SNX25: variants seen among roughly 807,000 people sequenced by gnomAD.
SNX25 encodes sorting nexin 25.
SNX25 carries 62 observed loss-of-function variants against 113.7 expected under a neutral mutation model. The ratio of observed to expected loss-of-function variants is 0.55; its 90% CI spans 0.44 to 0.67. SNX25 has a LOEUF of 0.67. Among genes scored for constraint, SNX25 ranks in the 30% least tolerant of loss-of-function variants. SNX25 has a pLI of 0.00. For missense variants in SNX25, 1,014 were observed against 1,161.0 expected (o/e 0.87, Z 1.84); for synonymous variants, 421 against 436.2 (o/e 0.97, Z 0.43).
At chr4:185,208,081 T>G (rs1184165029), upstream of SNX25, among the ~76,000 whole-genome samples, 1 of 152,188 alleles carries the variant, frequency 6.6e-6, no homozygotes, top group East Asian at 1.9e-4. Flanking sequence ...GCAAAAGGGC[T>G]TCTTCAAAAT....
At chr4:185,205,791 T>C (rs1159770146), upstream of SNX25, among the ~76,000 whole-genome samples, 1 of 152,196 alleles carries the variant, frequency 6.6e-6, no homozygotes, top group East Asian at 1.9e-4. Flanking sequence ...ATCACGCCAT[T>C]GTACTCCAGC....
intron 8 of SNX25, among the ~76,000 whole-genome samples, chr4:185,322,438 T>TG (rs2095127760): frequency 6.6e-6 from 1 of 151,836 alleles, no homozygotes; most frequent in African/African-American, 2.4e-5. Context: ...TTGGGGAAGG[T>TG]GGGGGGGAAG....
At position 185,357,699 on chromosome 4, in the gene SNX25, T is replaced by G. The variant is rs1189587857; in HGVS notation, c.2613T>G (p.Ile871Met). The change falls in exon 16 of 19, where the codon ATT (isoleucine) becomes ATG (methionine). Residue 871 changes from isoleucine (I) to methionine (M), a missense_variant. Transcript: ENST00000652585. ...TTAAATGGGTGAGAAGAACATTAAT[T>G]GCCCTCGTTCAGGTCACTTTTGGAA... Reference protein sequence around the residue: ...GMFKWVRRTLIALVQVTFGRT... With the variant: ...GMFKWVRRTLMALVQVTFGRT... The G allele has an allele frequency of 6.2e-7, 1 of 1,614,154 alleles. No homozygotes were observed. The highest frequency in any genetic ancestry group is 1.7e-5 in the Admixed American group (1 of 60,024).
chr4:185,362,226 T>C, intron 17 of SNX25, 121 bp downstream of exon 17: 1 of 1,406,240 alleles, frequency 7.1e-7, no homozygotes, highest in East Asian at 2.5e-5. Context: ...AAAAGGATCA[T>C]ACTCTTTTAA....
At chr4:185,310,386 G>GT (rs1755074770) in intron 6 of SNX25, among the ~76,000 whole-genome samples, 1 of 151,962 alleles carries the variant, frequency 6.6e-6, no homozygotes, top group South Asian at 2.1e-4. Context: ...TTGTACAGAG[G>GT]TTTTTTTAAA....
At chr4:185,268,530 A>C (rs1312711260) in intron 5 of SNX25, among the ~76,000 whole-genome samples, 2 of 152,128 alleles carry the variant, frequency 1.3e-5, no homozygotes, top group Admixed American at 1.3e-4. Context: ...ATGATAATAT[A>C]GGGGAAAGAA....
Position 185,210,018 on chromosome 4 carries a change from C to A in SNX25, c.192C>A (p.Ala64=), listed in dbSNP as rs1737480989. Residue 64 remains alanine, a synonymous_variant, in exon 1 of 19, where the codon GCC becomes GCA. Coordinates refer to ENST00000652585, the MANE Select transcript of SNX25 (RefSeq NM_001378034.2). The surrounding 1 kb of genome is among the most constrained non-coding windows in gnomAD (Gnocchi z 4.4). ...GRSWWKPVAV[A]ALAAVALSFL... The stretch of plus-strand genomic sequence containing the variant: ...GCTGGTGGAAGCCCGTGGCGGTGGC[C>A]GCACTCGCCGCCGTGGCCCTCTCCT... 1.0e-6 allele frequency: 1 copy of A among 983,892 alleles called. No homozygotes were observed. The highest frequency in any genetic ancestry group is 1.2e-6 in the Non-Finnish European group (1 of 829,312). The allele number at this position is 983,892 out of a possible 1,614,324, so 60.9% of individuals were successfully genotyped here. A position where few individuals can be genotyped will look rare whatever the true frequency, so the allele number is the denominator to read the frequency against.
chr4:185,265,664 T>C (rs1272018052), intron 4 of SNX25, among the ~76,000 whole-genome samples: 2 of 152,232 alleles, frequency 1.3e-5, no homozygotes, highest in African/African-American at 4.8e-5. Context: ...TAGCTTACTA[T>C]AACTTTTTTT....
intron 1 of SNX25, among the ~76,000 whole-genome samples, chr4:185,215,462 A>G (rs1023933046): frequency 1.3e-5 from 2 of 152,234 alleles, no homozygotes; most frequent in Non-Finnish European, 2.9e-5. Context: ...GGATTCCTAA[A>G]TGAATTCTTT....
At chr4:185,366,549 T>G (rs1372613558), downstream of SNX25, 2 of 152,232 alleles carry the variant, frequency 1.3e-5, no homozygotes, top group Non-Finnish European at 2.9e-5. Context: ...TATGAGCTTT[T>G]TAAGAATAAA....
At chr4:185,286,117 G>T (rs1429569145) in intron 5 of SNX25, among the ~76,000 whole-genome samples, 1 of 150,722 alleles carries the variant, frequency 6.6e-6, no homozygotes, top group East Asian at 2.0e-4. Flanking sequence ...GTTTTGTTTT[G>T]TTATGTGTTT....
At chr4:185,371,712 G>T (rs968570203), downstream of SNX25, among the ~76,000 whole-genome samples, 4 of 152,172 alleles carry the variant, frequency 2.6e-5, no homozygotes, top group African/African-American at 9.7e-5. Flanking sequence ...TTTAAAGAAT[G>T]ATTTAAAGTC....
rs573395729 is a variant in SNX25 at position 185,257,032 on chromosome 4, G to A, written c.515-1816G>A. 2.7e-4 allele frequency among the ~76,000 whole-genome samples: 41 copies of A among 152,220 alleles called. 1 individual carries two copies. In the South Asian group the frequency reaches 7.0e-3, roughly 26 times the overall value. On this transcript the variant is annotated intron_variant, in intron 2 of 18. Coordinates refer to ENST00000652585, the MANE Select transcript of SNX25 (RefSeq NM_001378034.2). ...TTTGACACGTATAGGTTAGTTGTTC[G>A]TAGGGAATTGTGAAGTAGATCTGGT... is the stretch of plus-strand genomic sequence containing the variant.
At chr4:185,293,797 T>C (rs1456779707) in intron 6 of SNX25, among the ~76,000 whole-genome samples, 4 of 152,110 alleles carry the variant, frequency 2.6e-5, no homozygotes, top group Admixed American at 2.0e-4. Flanking sequence ...TTTGTAGTAA[T>C]GAAAACATTT....
At position 185,357,684 on chromosome 4, in the gene SNX25, G is replaced by A; in HGVS notation, c.2598G>A (p.Val866=). Residue 866 remains valine (V), a synonymous_variant, in exon 16 of 19, where the codon GTG becomes GTA. Transcript: ENST00000652585. ...IFELRGMFKW[V]RRTLIALVQV... ...TTTCTGTTTCAGTGTTTAAATGGGT[G>A]AGAAGAACATTAATTGCCCTCGTTC... 6.2e-7 allele frequency: 1 copy of A among 1,614,080 alleles called. No homozygotes were observed. Among genetic ancestry groups the A allele is most frequent in the Non-Finnish European group, 8.5e-7 (1 of 1,179,990 alleles).
chr4:185,368,480 C>T (rs922622295), downstream of SNX25, among the ~76,000 whole-genome samples: 3 of 152,218 alleles, frequency 2.0e-5, no homozygotes, highest in African/African-American at 7.2e-5. Context: ...CCTCCCAACC[C>T]GTTCCCTTCC....
chr4:185,241,300 A>G (rs1425313441), intron 1 of SNX25, among the ~76,000 whole-genome samples: 1 of 151,732 alleles, frequency 6.6e-6, no homozygotes, highest in Non-Finnish European at 1.5e-5. Flanking sequence ...ACACAGCGAA[A>G]CCCCGTCTCC....
At chr4:185,228,873 A>G (rs1055564669) in intron 1 of SNX25, among the ~76,000 whole-genome samples, 4 of 152,174 alleles carry the variant, frequency 2.6e-5, no homozygotes, top group African/African-American at 9.7e-5. Flanking sequence ...TGTTATCCCC[A>G]TTGTATGGAT....
intron 10 of SNX25, among the ~76,000 whole-genome samples, chr4:185,338,672 G>T (rs1430597862): frequency 6.6e-6 from 1 of 152,146 alleles, no homozygotes; most frequent in African/African-American, 2.4e-5. Flanking sequence ...GGGTTAGGTG[G>T]CAAGGATCCA....
Sources: gnomAD v4.1 joint callset for allele counts (sites outside exome capture counted in the v4.1 genomes callset) on GRCh38, gnomAD v4.1.1 for gene constraint, Gnocchi (gnomAD v3.1) non-coding constraint, MANE v1.5 for transcripts, NCBI Gene and HGNC (gene_info 2026-07-23, HGNC 2026-07-21) for gene names.